Variants in CERS5 observed in about 807,000 individuals in gnomAD.
CERS5 encodes the protein LAG1 homolog, ceramide synthase 5.
A neutral mutation model predicts 58.9 loss-of-function variants in CERS5; 37 were observed. The ratio of observed to expected loss-of-function variants is 0.63; its 90% CI spans 0.48 to 0.83. The LOEUF is 0.83. Among genes scored for constraint, CERS5 ranks in the 40% least tolerant of loss-of-function variants. CERS5 has a pLI of 0.00. For missense variants in CERS5, 398 were observed against 489.3 expected (o/e 0.81, Z 1.76); for synonymous variants, 147 against 177.8 (o/e 0.83, Z 1.38).
intron 1 of CERS5, chr12:50,144,822 C>A: frequency 1.3e-6 from 2 of 1,514,404 alleles, no homozygotes; most frequent in Non-Finnish European, 1.8e-6. Context: ...AAGCAGAGTC[C>A]CAAGGATTTA....
In CERS5 at chr12:50,136,030, C is replaced by T. The variant is rs755490776; in HGVS notation, c.676G>A (p.Gly226Arg). 2.0e-6 allele frequency: 3 copies of T among 1,509,384 alleles called. No homozygotes were observed. Among genetic ancestry groups the T allele is most frequent in the Non-Finnish European group, 2.7e-6 (3 of 1,131,992 alleles). 93.5% of individuals were successfully genotyped at this position (1,509,384 alleles called of 1,614,324 possible). ...IMFVHHLVTI[G>R]LISFSYINNM... ...TTGATGTAGGAGAAGGAGATAAGCC[C>T]AATGGTGACCAAGTGATGCACAAAC... Residue 226 changes from glycine to arginine, a missense_variant, in exon 7 of 10, where the codon GGG becomes AGG. Transcript: ENST00000317551.
Position 50,130,495 on chromosome 12 carries a change from GCCA to G in CERS5, c.*47_*49del. 1 of 1,481,512 alleles carries G rather than the reference GCCA, an allele frequency of 6.7e-7. No homozygotes were observed. The highest frequency in any genetic ancestry group is 9.1e-7 in the Non-Finnish European group (1 of 1,093,636). 91.8% of individuals were successfully genotyped at this position (1,481,512 alleles called of 1,614,324 possible). A position where few individuals can be genotyped will look rare whatever the true frequency, so the allele number is the denominator to read the frequency against. On this transcript the variant is annotated 3_prime_UTR_variant, in exon 10 of 10. Coordinates refer to ENST00000317551, the MANE Select transcript of CERS5 (RefSeq NM_147190.5). ...TGGGAAGGGCCAAGAGGAGTATGTT[GCCA>G]GTGGCCCTACAAGTCCATGTGTGCT...
At position 50,134,639 on chromosome 12, in the gene CERS5, G is replaced by C. The variant is rs761136067; in HGVS notation, c.936C>G (p.Leu312=). 2.5e-6 allele frequency: 4 copies of C among 1,614,042 alleles called. No individual in the cohort carries two copies. The East Asian group carries it at 8.9e-5, about 36-fold the overall frequency. ...GTAGGGTCAGCAGCAGGCCATTGAG[G>C]AGCCACCATGAAGCATAAGGCCCGA... ...EIIGPYASWW[L]LNGLLLTLQL... Residue 312 remains leucine, a synonymous_variant, in exon 9 of 10, where the codon CTC becomes CTG. Transcript: ENST00000317551.
At chr12:50,157,681 C>T (rs1390693456) in intron 1 of CERS5, among the ~76,000 whole-genome samples, 1 of 151,748 alleles carries the variant, frequency 6.6e-6, no homozygotes, top group African/African-American at 2.4e-5. Context: ...TAAAGGCATA[C>T]AACGGAGAAT....
intron 4 of CERS5, among the ~76,000 whole-genome samples, chr12:50,141,210 C>T (rs1255987687): frequency 1.3e-5 from 2 of 152,036 alleles, no homozygotes; most frequent in African/African-American, 4.8e-5. Context: ...GCCACCACGC[C>T]AGGCTAATTT....
intron 4 of CERS5, among the ~76,000 whole-genome samples, chr12:50,141,459 A>G (rs1394340859): frequency 2.0e-5 from 3 of 152,166 alleles, no homozygotes; most frequent in Admixed American, 2.0e-4. Flanking sequence ...ATTTTTGTCA[A>G]GTGCTTTGTA....
chr12:50,155,364 G>A (rs901791281), intron 1 of CERS5, among the ~76,000 whole-genome samples: 1 of 151,824 alleles, frequency 6.6e-6, no homozygotes, highest in Non-Finnish European at 1.5e-5. Context: ...CACTTTTCAA[G>A]ATACCTATAC....
At position 50,138,639 on chromosome 12, in the gene CERS5, A is replaced by G. The variant is rs779691513; in HGVS notation, c.493-22T>C. 13 of 1,605,564 alleles carry G rather than the reference A, an allele frequency of 8.1e-6. No individual in the cohort carries two copies. In the East Asian group the frequency reaches 2.9e-4, roughly 36 times the overall value. The stretch of plus-strand genomic sequence containing the variant: ...GTGACTAAGAGAAAACAGATAATCC[A>G]TGTCAGTCCTCAAGATTCTCACCTG... On this transcript the variant is annotated intron_variant, in intron 4 of 9. Transcript: ENST00000317551.
chr12:50,158,657 C>T (rs776808630), intron 1 of CERS5, among the ~76,000 whole-genome samples: 5 of 152,162 alleles, frequency 3.3e-5, no homozygotes, highest in Non-Finnish European at 7.4e-5. Flanking sequence ...TAGGAGATGA[C>T]TGATTTCTGG....
intron 1 of CERS5, chr12:50,153,875 A>G (rs557067583): frequency 2.4e-6 from 1 of 424,752 alleles, no homozygotes; most frequent in South Asian, 1.6e-5. Flanking sequence ...AATCATTTGA[A>G]CCTGGGAGGC....
intron 6 of CERS5, among the ~76,000 whole-genome samples, chr12:50,136,355 C>T (rs1349270140): frequency 6.6e-6 from 1 of 152,090 alleles, no homozygotes; most frequent in Non-Finnish European, 1.5e-5. Context: ...TGCCTGTAAT[C>T]CCAGCTACTC....
At chr12:50,142,244 C>A in intron 3 of CERS5, 134 bp from the exon 4 acceptor site, 1 of 630,854 alleles carries the variant, frequency 1.6e-6, no homozygotes, top group African/African-American at 1.9e-5. Flanking sequence ...GAATAGGCAA[C>A]TACTGTCATT....
chr12:50,153,870 T>A (rs1015762622), intron 1 of CERS5: 1 of 418,232 alleles, frequency 2.4e-6, no homozygotes, highest in South Asian at 1.7e-5. Context: ...AGGAGAATCA[T>A]TTGAACCTGG....
At chr12:50,162,384 T>C in intron 1 of CERS5, among the ~76,000 whole-genome samples, 1 of 152,102 alleles carries the variant, frequency 6.6e-6, no homozygotes, top group East Asian at 1.9e-4. Context: ...TTGCAACCTC[T>C]GAAAAGCTGA....
At chr12:50,142,938 C>G (rs979432964) in intron 3 of CERS5, 136 bp downstream of exon 3, 85 of 936,732 alleles carry the variant, frequency 9.1e-5, no homozygotes, top group Non-Finnish European at 1.1e-4. Context: ...TCTTTCCTAC[C>G]TATAATAGGC....
chr12:50,131,513 C>T (rs188501321), intron 9 of CERS5, among the ~76,000 whole-genome samples: 1,926 of 135,960 alleles, frequency 0.014, 50 homozygotes, highest in African/African-American at 0.051. Context: ...GAGCTGAGAT[C>T]GTGCCACTGC....
chr12:50,136,197 G>A, intron 6 of CERS5, 128 bp from the exon 7 acceptor site: 1 of 795,724 alleles, frequency 1.3e-6, no homozygotes. Flanking sequence ...CATTGGCCGG[G>A]CGAGGTGGCT....
intron 9 of CERS5, among the ~76,000 whole-genome samples, chr12:50,132,105 T>TA (rs35268757): frequency 7.2e-4 from 99 of 137,864 alleles, no homozygotes; most frequent in Non-Finnish European, 6.9e-4. Flanking sequence ...ACCTTGTCTC[T>TA]AAAAAAAAAA....
chr12:50,138,719 A>C (rs1951818451), intron 4 of CERS5, 102 bp from the exon 5 acceptor site: 1 of 1,017,040 alleles, frequency 9.8e-7, no homozygotes, highest in Non-Finnish European at 1.6e-6. Context: ...GCAAAAGAGG[A>C]CAGAAAAGCC....
Sources: allele counts gnomAD v4.1 joint callset (sites outside exome capture counted in the v4.1 genomes callset), GRCh38; gene constraint gnomAD v4.1.1; transcripts MANE v1.5; gene names NCBI Gene and HGNC (gene_info 2026-07-23, HGNC 2026-07-21).